Variants in ZNF829 observed in about 807,000 individuals in gnomAD.
ZNF829 encodes the protein zinc finger protein 829.
A neutral mutation model predicts 35.2 loss-of-function variants in ZNF829; 25 were observed. That is an observed-to-expected ratio of 0.71 (90% CI 0.52 to 0.99). The LOEUF is 0.99. Ranked by LOEUF, ZNF829 falls within the 50% of genes least tolerant of loss-of-function variation. ZNF829 has a pLI of 0.00. For synonymous variants in ZNF829, 136 were observed against 163.2 expected, an observed-to-expected ratio of 0.83 and a Z score of 1.27; for missense variants, 417 against 515.3, an observed-to-expected ratio of 0.81 and a Z score of 1.85.
At chr19:36,903,802 T>A (rs918952624) in intron 5 of ZNF829, among the ~76,000 whole-genome samples, 2 of 151,792 alleles carry the variant, frequency 1.3e-5, no homozygotes, top group Non-Finnish European at 2.9e-5. Flanking sequence ...GAAGCAGAGG[T>A]TGCAGTGAGC....
At chr19:36,894,534 G>A (rs1471404173) in intron 5 of ZNF829, among the ~76,000 whole-genome samples, 1 of 151,770 alleles carries the variant, frequency 6.6e-6, no homozygotes, top group Non-Finnish European at 1.5e-5. Flanking sequence ...ATAGAACATG[G>A]ATAAAAACCA....
intron 3 of ZNF829, among the ~76,000 whole-genome samples, chr19:36,912,238 C>T (rs1319369613): frequency 1.3e-5 from 2 of 152,084 alleles, no homozygotes. Context: ...TTACAGTGAA[C>T]TAGAGGTTGT....
intron 5 of ZNF829, among the ~76,000 whole-genome samples, chr19:36,900,602 C>A (rs1240600987): frequency 6.6e-6 from 1 of 151,940 alleles, no homozygotes; most frequent in Non-Finnish European, 1.5e-5. Context: ...AATCCCAGCA[C>A]TTTGGAGGGC....
Position 36,914,913 on chromosome 19 carries a change from A to G in ZNF829, c.96+52T>C, listed in dbSNP as rs1052309944. 6.3e-6 allele frequency: 10 copies of G among 1,578,092 alleles called. No individual in the cohort carries two copies. The African/African-American group carries it at 1.2e-4, about 19-fold the overall frequency. ...AATTATAGGGACCTATAATTAAATG[A>G]CATTCCTTTAAGCAAGAATTTTCAG... On this transcript the variant is annotated intron_variant, in intron 3 of 5. Transcript: ENST00000391711.
At chr19:36,901,824 G>A in intron 5 of ZNF829, 1 of 704,854 alleles carries the variant, frequency 1.4e-6, no homozygotes, top group Non-Finnish European at 2.6e-6. Context: ...TACACCATCA[G>A]TATGCACAAG....
At chr19:36,898,732 G>T (rs2073135235) in intron 5 of ZNF829, among the ~76,000 whole-genome samples, 1 of 152,076 alleles carries the variant, frequency 6.6e-6, no homozygotes, top group African/African-American at 2.4e-5. Flanking sequence ...GTTGACAAAG[G>T]TGCCAAGAAC....
chr19:36,896,497 A>C (rs1413270758), intron 5 of ZNF829, among the ~76,000 whole-genome samples: 1 of 151,974 alleles, frequency 6.6e-6, no homozygotes, highest in Admixed American at 6.6e-5. Flanking sequence ...AAACAACAAC[A>C]AAAAAAGGTA....
At chr19:36,899,173 C>T (rs558975888) in intron 5 of ZNF829, among the ~76,000 whole-genome samples, 3 of 152,132 alleles carry the variant, frequency 2.0e-5, no homozygotes, top group Admixed American at 6.5e-5. Flanking sequence ...GCCATAGCGG[C>T]TCATAACTGT....
chr19:36,908,282 G>C, intron 4 of ZNF829, 51 bp downstream of exon 4: 1 of 1,571,624 alleles, frequency 6.4e-7, no homozygotes, highest in South Asian at 1.2e-5. Flanking sequence ...AATGGAGAAA[G>C]GAGACACTTC....
At chr19:36,901,219 G>A (rs980681339) in intron 5 of ZNF829, among the ~76,000 whole-genome samples, 2 of 152,168 alleles carry the variant, frequency 1.3e-5, no homozygotes, top group African/African-American at 4.8e-5. Flanking sequence ...GCTACAACAC[G>A]GATGAACCCT....
At chr19:36,907,115 A>AAAAAAAAAAAAG (rs2073224309) in intron 5 of ZNF829, 2 of 4,652 alleles carry the variant, frequency 4.3e-4, no homozygotes, top group African/African-American at 1.2e-3. Flanking sequence ...AAAAAAATGT[A>AAAAAAAAAAAAG]TATATATATA....
chr19:36,892,104 T>C lies in ZNF829; in HGVS notation c.687A>G (p.Gln229=). 5.0e-6 allele frequency: 8 copies of C among 1,614,070 alleles called. No individual in the cohort carries two copies. The highest frequency in any genetic ancestry group is 5.9e-6 in the Non-Finnish European group (7 of 1,179,982). Residue 229 remains glutamine (Q), a synonymous_variant, in exon 6 of 6, where the codon CAA becomes CAG. Transcript: ENST00000391711. The part of the protein sequence containing the change: ...KAFSCSSYFS[Q]HQRIHTGEKP... ...TCTCACCAGTGTGAATCCTCTGATGTTGAGAAAAATATGAACTACAACTAA... is the reference window on the plus strand; with the variant it reads ...TCTCACCAGTGTGAATCCTCTGATGCTGAGAAAAATATGAACTACAACTAA...
intron 3 of ZNF829, among the ~76,000 whole-genome samples, 189 bp downstream of exon 3, chr19:36,914,776 T>C (rs1050404418): frequency 5.3e-5 from 8 of 152,174 alleles, no homozygotes; most frequent in African/African-American, 1.9e-4. Flanking sequence ...GGTAATGCTG[T>C]GTTTTTGAGA....
Position 36,908,388 on chromosome 19 carries a change from C to T in ZNF829, c.168G>A (p.Gln56=), listed in dbSNP as rs1028391401. The change falls in exon 4 of 6, where the codon CAG becomes CAA. Residue 56 remains glutamine, a synonymous_variant. Transcript: ENST00000391711. ...QEEWECLDAD[Q]MNLYKEVMLE... is the part of the protein sequence containing the mutation. ...ACATCACTTCTTTGTATAAATTCAT[C>T]TGATCAGCGTCCAGGCATTCCCATT... The T allele has an allele frequency of 6.2e-6, 10 of 1,613,648 alleles. No individual in the cohort carries two copies. The African/African-American group carries it at 9.3e-5, about 15-fold the overall frequency.
intron 5 of ZNF829, among the ~76,000 whole-genome samples, chr19:36,898,373 T>C (rs1454640437): frequency 6.6e-6 from 1 of 152,094 alleles, no homozygotes; most frequent in Non-Finnish European, 1.5e-5. Context: ...TAAAAAGATA[T>C]TTGCATGCTT....
intron 5 of ZNF829, chr19:36,901,745 G>A (rs1053064592): frequency 3.9e-6 from 2 of 517,974 alleles, no homozygotes; most frequent in Non-Finnish European, 7.1e-6. Flanking sequence ...CGGCAGAATG[G>A]CTCCCACAAA....
At chr19:36,909,142 G>C (rs1335369199) in intron 3 of ZNF829, among the ~76,000 whole-genome samples, 1 of 152,116 alleles carries the variant, frequency 6.6e-6, no homozygotes, top group African/African-American at 2.4e-5. Flanking sequence ...GGTGATGAAA[G>C]TGCCAGTATA....
intron 5 of ZNF829, chr19:36,901,643 G>C (rs2073166859): frequency 3.5e-6 from 1 of 284,790 alleles, no homozygotes; most frequent in East Asian, 8.4e-5. Context: ...CTATCCAAGT[G>C]TGTGATTGTA....
rs563219164 is a variant in ZNF829, at chr19:36,912,370, T to C, written c.96+2595A>G. 5.9e-5 allele frequency among the ~76,000 whole-genome samples: 9 copies of C among 152,060 alleles called. No homozygotes were observed. In the South Asian group the frequency reaches 6.2e-4, roughly 11 times the overall value. ...CAAAAAAATTAACCCACAGAGAGGG[T>C]TGAGAGTAGAAATTATGAGGAAAAA... On this transcript the variant is annotated intron_variant, in intron 3 of 5. Transcript: ENST00000391711.
Sources: gnomAD v4.1 joint callset for allele counts (sites outside exome capture counted in the v4.1 genomes callset) on GRCh38, gnomAD v4.1.1 for gene constraint, MANE v1.5 for transcripts, NCBI Gene and HGNC (gene_info 2026-07-23, HGNC 2026-07-21) for gene names.